ADCY2: variants seen among roughly 807,000 people sequenced by gnomAD.
ADCY2 encodes the protein adenylate cyclase 2.
Under a neutral mutation model 125.2 loss-of-function variants are expected in ADCY2, and 31 were observed. The ratio of observed to expected loss-of-function variants is 0.25; its 90% confidence interval spans 0.19 to 0.33. The LOEUF is 0.33. Ranked by LOEUF, ADCY2 falls within the 10% of genes least tolerant of loss-of-function variation. The pLI is 1.00. For missense variants in ADCY2, 904 were observed against 1,418.2 expected (o/e 0.64, Z 5.82); for synonymous variants, 512 against 548.4 (o/e 0.93, Z 0.93).
rs775993804 is a variant in ADCY2 at position 7,396,329 on chromosome 5, C to T, written c.33C>T (p.Tyr11=). 6.0e-6 allele frequency: 9 copies of T among 1,500,644 alleles called. No homozygotes were observed. The highest frequency in any genetic ancestry group is 8.0e-6 in the Non-Finnish European group (9 of 1,124,086). The allele number at this position is 1,500,644 out of a possible 1,614,324, so 93.0% of individuals were successfully genotyped here. ...AGGAGGCGATGCGGCGCCGCCGCTA[C>T]CTGCGGGACCGCTCCGAGGAGGCGG... is the stretch of plus-strand genomic sequence containing the variant. MWQEAMRRRR[Y]LRDRSEEAAG... The change falls in exon 1 of 25, where the codon TAC becomes TAT. Residue 11 remains tyrosine (Y), a synonymous_variant. Transcript: ENST00000338316. This position sits in a 1 kb window ranked among gnomAD's most constrained non-coding sequence, Gnocchi z 5.7.
intron 3 of ADCY2, among the ~76,000 whole-genome samples, chr5:7,529,084 T>TA (rs1486530021): frequency 1.3e-5 from 2 of 152,168 alleles, no homozygotes; most frequent in Admixed American, 1.3e-4. Context: ...AGATTCTCTT[T>TA]AAAGAGTAAG....
chr5:7,397,472 T>TTG, intron 1 of ADCY2, among the ~76,000 whole-genome samples: 2 of 150,644 alleles, frequency 1.3e-5, no homozygotes, highest in Non-Finnish European at 3.0e-5. Context: ...TTTTTTTTTT[T>TTG]TAGTCAGTGG....
In ADCY2 at chr5:7,826,863, G is replaced by A; in HGVS notation, c.3268G>A (p.Ala1090Thr). The change falls in exon 25 of 25, where the codon GCA (alanine) becomes ACA (threonine). Residue 1090 changes from alanine (A) to threonine (T), a missense_variant. Coordinates refer to ENST00000338316, the MANE Select transcript of ADCY2 (RefSeq NM_020546.3). ...MSRSLSQSNV[A>T]S ...AAGGTCCCTTTCCCAGAGCAACGTG[G>A]CATCCTGAAGAGTCACCTTCATTTT... 1 of 1,604,614 alleles carries A rather than the reference G, an allele frequency of 6.2e-7. No individual in the cohort carries two copies. The highest frequency in any genetic ancestry group is 8.5e-7 in the Non-Finnish European group (1 of 1,176,754).
At chr5:7,692,219 G>T (rs559044117) in intron 5 of ADCY2, 1 of 152,284 alleles carries the variant, frequency 6.6e-6, no homozygotes, top group South Asian at 2.1e-4. Context: ...GCTGCTTCAG[G>T]TCTAGGTTTT....
intron 2 of ADCY2, among the ~76,000 whole-genome samples, chr5:7,439,315 G>C (rs778565341): frequency 6.6e-6 from 1 of 152,070 alleles, no homozygotes; most frequent in Non-Finnish European, 1.5e-5. Context: ...GCAAAGACAC[G>C]TCTTACATGG....
At chr5:7,409,252 GT>G (rs1375026459) in intron 1 of ADCY2, among the ~76,000 whole-genome samples, 5 of 152,144 alleles carry the variant, frequency 3.3e-5, no homozygotes, top group African/African-American at 1.2e-4. Flanking sequence ...GGTGGGAGGA[GT>G]GAGAGGATCA....
intron 3 of ADCY2, among the ~76,000 whole-genome samples, chr5:7,609,178 A>G (rs1737487844): frequency 6.6e-6 from 1 of 152,218 alleles, no homozygotes; most frequent in South Asian, 2.1e-4. Context: ...TATAATTTGC[A>G]TGGATTTACT....
chr5:7,570,355 G>C (rs762538556), intron 3 of ADCY2, among the ~76,000 whole-genome samples: 3 of 152,048 alleles, frequency 2.0e-5, no homozygotes, highest in Admixed American at 6.6e-5. Flanking sequence ...CTATAATTTT[G>C]TTGTAATAAA....
At chr5:7,643,375 G>T (rs567616783) in intron 4 of ADCY2, among the ~76,000 whole-genome samples, 2 of 151,998 alleles carry the variant, frequency 1.3e-5, no homozygotes, top group African/African-American at 4.8e-5. Context: ...TCACTCTAGT[G>T]CTTTCTACCT....
intron 24 of ADCY2, among the ~76,000 whole-genome samples, chr5:7,823,684 C>T (rs780427815): frequency 3.3e-5 from 5 of 152,086 alleles, no homozygotes; most frequent in Non-Finnish European, 5.9e-5. Context: ...AATATTCCGA[C>T]GATTTATGGC....
At chr5:7,707,951 A>G in intron 9 of ADCY2, 113 bp downstream of exon 9, 1 of 1,157,778 alleles carries the variant, frequency 8.6e-7, no homozygotes, top group Non-Finnish European at 1.2e-6. Flanking sequence ...CTTTGTCCCC[A>G]AAATATTTTA....
chr5:7,425,296 G>T (rs1414491667), intron 2 of ADCY2, among the ~76,000 whole-genome samples: 4 of 152,206 alleles, frequency 2.6e-5, no homozygotes, highest in Non-Finnish European at 4.4e-5. Context: ...TTCAATGGAG[G>T]TGTTTTTGAT....
intron 4 of ADCY2, among the ~76,000 whole-genome samples, chr5:7,660,239 A>AGAAGGAAGGAAGGAAGGAAGGAAGGAAG (rs59646942): frequency 4.9e-5 from 5 of 101,330 alleles, no homozygotes; most frequent in Admixed American, 2.3e-4. Flanking sequence ...AGGGAGGGAG[A>AGAAGGAAGGAAGGAAGGAAGGAAGGAAG]GAAGGAAGGA....
In ADCY2 at chr5:7,517,742, A is replaced by G. The variant is rs376727380; in HGVS notation, c.409-2996A>G. Among the ~76,000 whole-genome samples, 8 of 152,228 alleles carry G rather than the reference A, an allele frequency of 5.3e-5. No homozygotes were observed. The East Asian group carries it at 1.2e-3, about 22-fold the overall frequency. The stretch of plus-strand genomic sequence containing the variant: ...TATTTTCCATTTGGTTATTGTGGAT[A>G]AGCCTTCCACAGACTTCCATTTCAA... On this transcript the variant is annotated intron_variant, in intron 2 of 24. Coordinates refer to ENST00000338316, the MANE Select transcript of ADCY2 (RefSeq NM_020546.3).
intron 15 of ADCY2, among the ~76,000 whole-genome samples, chr5:7,754,151 CA>C (rs1742913790): frequency 6.6e-6 from 1 of 152,134 alleles, no homozygotes; most frequent in African/African-American, 2.4e-5. Flanking sequence ...GTCACACGAA[CA>C]GAAAAAAATT....
intron 14 of ADCY2, among the ~76,000 whole-genome samples, chr5:7,742,939 A>G (rs962590784): frequency 5.9e-5 from 9 of 151,934 alleles, no homozygotes; most frequent in Non-Finnish European, 1.0e-4. Flanking sequence ...TCCTTTTTAT[A>G]CCTCTGAAAC....
At chr5:7,629,386 A>G (rs1171295395) in intron 4 of ADCY2, among the ~76,000 whole-genome samples, 1 of 152,178 alleles carries the variant, frequency 6.6e-6, no homozygotes, top group Non-Finnish European at 1.5e-5. Context: ...CAAAATTGCA[A>G]AACTCCATGC....
At chr5:7,720,211 T>A (rs1255646364) in intron 12 of ADCY2, among the ~76,000 whole-genome samples, 2 of 152,106 alleles carry the variant, frequency 1.3e-5, no homozygotes, top group Non-Finnish European at 2.9e-5. Flanking sequence ...TCTCTGTAGT[T>A]CCAATCCCCC....
chr5:7,560,832 G>A (rs1170889137), intron 3 of ADCY2, among the ~76,000 whole-genome samples: 1 of 151,982 alleles, frequency 6.6e-6, no homozygotes, highest in African/African-American at 2.4e-5. Flanking sequence ...AAGATTACAG[G>A]CATGCACCAC....
Sources: gnomAD v4.1 joint callset for allele counts (sites outside exome capture counted in the v4.1 genomes callset) on GRCh38, gnomAD v4.1.1 for gene constraint, Gnocchi (gnomAD v3.1) non-coding constraint, MANE v1.5 for transcripts, NCBI Gene and HGNC (gene_info 2026-07-23, HGNC 2026-07-21) for gene names.